Variants in AUTS2 observed in about 807,000 individuals in gnomAD.
AUTS2 encodes activator of transcription and developmental regulator AUTS2, also known as autism susceptibility gene 2 protein.
Under a neutral mutation model 112.4 loss-of-function variants are expected in AUTS2, and 17 were observed. The observed-to-expected ratio is 0.15, with a 90% confidence interval of 0.10 to 0.23. The LOEUF is 0.23. Ranked by LOEUF, AUTS2 falls within the 10% of genes least tolerant of loss-of-function variation. The pLI is 1.00. For synonymous variants in AUTS2, 751 were observed against 702.7 expected (o/e 1.07, Z -1.09); for missense variants, 1,510 against 1,701.6 (o/e 0.89, Z 1.98).
At chr7:70,785,442 G>A in intron 16 of AUTS2, 1 of 477,010 alleles carries the variant, frequency 2.1e-6, no homozygotes, top group Non-Finnish European at 4.2e-6. Context: ...ACATCTCACT[G>A]CCCCGATAAA....
intron 2 of AUTS2, among the ~76,000 whole-genome samples, chr7:69,970,009 A>G (rs969600922): frequency 2.0e-5 from 3 of 152,194 alleles, no homozygotes; most frequent in Non-Finnish European, 4.4e-5. Context: ...AATACTGTTC[A>G]CTTGTGATCA....
chr7:70,484,177 A>G (rs1797895927), intron 5 of AUTS2, among the ~76,000 whole-genome samples: 1 of 152,224 alleles, frequency 6.6e-6, no homozygotes, highest in Non-Finnish European at 1.5e-5. Context: ...ACATTGATTA[A>G]ACATCTTGCT....
At chr7:70,146,537 T>A (rs1807134563) in intron 4 of AUTS2, among the ~76,000 whole-genome samples, 1 of 152,166 alleles carries the variant, frequency 6.6e-6, no homozygotes, top group African/African-American at 2.4e-5. Flanking sequence ...GCAATGGAAT[T>A]ACTTACATAT....
At chr7:70,689,194 A>C (rs1252902540) in intron 5 of AUTS2, among the ~76,000 whole-genome samples, 2 of 151,976 alleles carry the variant, frequency 1.3e-5, no homozygotes, top group Non-Finnish European at 2.9e-5. Flanking sequence ...CCATCTCTAG[A>C]AAAAAATTTT....
intron 1 of AUTS2, among the ~76,000 whole-genome samples, chr7:69,740,026 A>T (rs1039442883): frequency 6.6e-6 from 1 of 152,304 alleles, no homozygotes; most frequent in Admixed American, 6.5e-5. Flanking sequence ...GACTATCTTT[A>T]GTGGGCCAAT....
At chr7:70,643,369 G>A (rs555852538) in intron 5 of AUTS2, among the ~76,000 whole-genome samples, 7 of 152,300 alleles carry the variant, frequency 4.6e-5, no homozygotes, top group East Asian at 1.9e-4. Context: ...TCAAGAGATC[G>A]AGACCATCCT....
intron 1 of AUTS2, among the ~76,000 whole-genome samples, chr7:69,636,333 C>T (rs183331757): frequency 2.0e-5 from 3 of 152,094 alleles, no homozygotes; most frequent in African/African-American, 4.8e-5. Flanking sequence ...TGGATTCAAG[C>T]GATTCTCCTG....
At chr7:70,686,032 AGT>A in intron 5 of AUTS2, among the ~76,000 whole-genome samples, 1 of 152,244 alleles carries the variant, frequency 6.6e-6, no homozygotes, top group East Asian at 1.9e-4. Flanking sequence ...CCCCCAGCTC[AGT>A]CCTTCTTCTT....
chr7:69,949,325 A>G (rs1487701731), intron 2 of AUTS2, among the ~76,000 whole-genome samples: 1 of 152,174 alleles, frequency 6.6e-6, no homozygotes, highest in Non-Finnish European at 1.5e-5. Context: ...CTGAGTGCTT[A>G]TTGTGGGTCA....
intron 6 of AUTS2, among the ~76,000 whole-genome samples, chr7:70,762,520 G>A (rs147149884): frequency 6.4e-4 from 97 of 151,910 alleles, no homozygotes; most frequent in African/African-American, 2.0e-3. Flanking sequence ...CTTCCAACTC[G>A]GCCTCTCAAA....
At chr7:70,417,930 C>T (rs1239477454) in intron 4 of AUTS2, among the ~76,000 whole-genome samples, 2 of 152,306 alleles carry the variant, frequency 1.3e-5, no homozygotes, top group East Asian at 3.9e-4. Flanking sequence ...CCTGCCCTCT[C>T]CTTCCAAGGC....
chr7:70,609,725 C>T (rs1323655265), intron 5 of AUTS2, among the ~76,000 whole-genome samples: 3 of 152,122 alleles, frequency 2.0e-5, no homozygotes, highest in Admixed American at 6.5e-5. Flanking sequence ...CCACGCCCGG[C>T]CAGGATTGTC....
chr7:70,590,751 C>A (rs1585343315), intron 5 of AUTS2, among the ~76,000 whole-genome samples: 1 of 152,136 alleles, frequency 6.6e-6, no homozygotes, highest in African/African-American at 2.4e-5. Context: ...GAGTTGTCAA[C>A]AAAACATAAC....
intron 5 of AUTS2, among the ~76,000 whole-genome samples, chr7:70,505,550 C>G: frequency 6.6e-6 from 1 of 152,174 alleles, no homozygotes; most frequent in East Asian, 1.9e-4. Flanking sequence ...TATTTTAAAT[C>G]AAGGGTCATA....
chr7:69,893,679 C>T (rs1185890541), intron 1 of AUTS2, among the ~76,000 whole-genome samples: 1 of 152,110 alleles, frequency 6.6e-6, no homozygotes, highest in Non-Finnish European at 1.5e-5. Context: ...GATGGACTGC[C>T]CTCAGGTTAG....
At chr7:69,618,894 C>T (rs1314056146) in intron 1 of AUTS2, among the ~76,000 whole-genome samples, 1 of 152,050 alleles carries the variant, frequency 6.6e-6, no homozygotes, top group African/African-American at 2.4e-5. Context: ...TTAGAATACC[C>T]TGGGGATACC....
intron 5 of AUTS2, among the ~76,000 whole-genome samples, chr7:70,647,601 G>A (rs1806241679): frequency 6.6e-6 from 1 of 152,172 alleles, no homozygotes. Context: ...ACTGAGACAA[G>A]GCATCCTGGG....
At chr7:69,687,936 T>TA (rs1797137108) in intron 1 of AUTS2, among the ~76,000 whole-genome samples, 1 of 152,206 alleles carries the variant, frequency 6.6e-6, no homozygotes, top group Admixed American at 6.5e-5. Context: ...ATGGACTATT[T>TA]ATGTGTCAAA....
chr7:70,700,463 A>C (rs1401808923), intron 6 of AUTS2, among the ~76,000 whole-genome samples: 1 of 152,102 alleles, frequency 6.6e-6, no homozygotes, highest in African/African-American at 2.4e-5. Context: ...TCTCCTCCAG[A>C]GTTTCCCCTT....
Sources: gnomAD v4.1 joint callset for allele counts (sites outside exome capture counted in the v4.1 genomes callset) on GRCh38, gnomAD v4.1.1 for gene constraint, MANE v1.5 for transcripts, NCBI Gene and HGNC (gene_info 2026-07-23, HGNC 2026-07-21) for gene names.